Variants in TCF7L1 observed in about 807,000 individuals in gnomAD.
TCF7L1 encodes transcription factor 7 like 1.
A neutral mutation model predicts 63.7 loss-of-function variants in TCF7L1; 18 were observed. That is an observed-to-expected ratio of 0.28 (90% CI 0.20 to 0.42). TCF7L1 has a LOEUF of 0.42. Among genes scored for constraint, TCF7L1 ranks in the 10% least tolerant of loss-of-function variants. The pLI is 1.00. For synonymous variants in TCF7L1, 355 were observed against 340.9 expected, an observed-to-expected ratio of 1.04 and a Z score of -0.46; for missense variants, 654 against 779.3, an observed-to-expected ratio of 0.84 and a Z score of 1.91.
chr2:85,134,006 T>G lies in TCF7L1; in HGVS notation c.250-10T>G, dbSNP rs1401361033. 16 of 1,609,056 alleles carry G rather than the reference T, an allele frequency of 9.9e-6. No individual in the cohort carries two copies. Among genetic ancestry groups the G allele is most frequent in the Non-Finnish European group, 1.2e-5 (14 of 1,178,164 alleles). ...GCTCACCCGCTCTTGCCTTTGTGTC[T>G]CCTCCGCAGGCGGAGAGGCGCCCGC... On this transcript the variant is annotated splice_polypyrimidine_tract_variant and intron_variant, in intron 1 of 11. Coordinates refer to ENST00000282111, the MANE Select transcript of TCF7L1 (RefSeq NM_031283.3). The surrounding 1 kb of genome is among the most constrained non-coding windows in gnomAD (Gnocchi z 5.0).
intron 3 of TCF7L1, among the ~76,000 whole-genome samples, chr2:85,149,068 C>T (rs943926772): frequency 2.0e-5 from 3 of 152,006 alleles, no homozygotes; most frequent in South Asian, 2.1e-4. Flanking sequence ...TGTCAGCCAC[C>T]GCGCCCAGCC....
At chr2:85,172,845 C>T (rs1057314370) in intron 3 of TCF7L1, among the ~76,000 whole-genome samples, 2 of 152,142 alleles carry the variant, frequency 1.3e-5, no homozygotes, top group African/African-American at 2.4e-5. Context: ...ACAATTGCAG[C>T]GTCCGCCCCA....
intron 3 of TCF7L1, among the ~76,000 whole-genome samples, chr2:85,273,891 C>T (rs1435421755): frequency 2.0e-5 from 3 of 152,138 alleles, no homozygotes; most frequent in Admixed American, 6.5e-5. Context: ...GGCCAGAGAA[C>T]AGGCTGCAGG....
In TCF7L1 at chr2:85,254,748, C is replaced by T. The variant is rs1414481542; in HGVS notation, c.442-28747C>T. On this transcript the variant is annotated intron_variant, in intron 3 of 11. Coordinates refer to ENST00000282111, the MANE Select transcript of TCF7L1 (RefSeq NM_031283.3). ...CCAATCTGCACTGAGATCTGCTCCC[C>T]TGCCCCCACCCTGTCTGGCATTAGT... is the stretch of plus-strand genomic sequence containing the variant. 3.3e-5 allele frequency among the ~76,000 whole-genome samples: 5 copies of T among 152,210 alleles called. No individual in the cohort carries two copies. In the East Asian group the frequency reaches 9.6e-4, roughly 29 times the overall value.
At chr2:85,250,501 A>G (rs951936040) in intron 3 of TCF7L1, among the ~76,000 whole-genome samples, 10 of 151,934 alleles carry the variant, frequency 6.6e-5, no homozygotes, top group African/African-American at 2.2e-4. Flanking sequence ...CAGTGGTGCT[A>G]TCTCGGCTCA....
At chr2:85,209,573 C>T (rs1679496925) in intron 3 of TCF7L1, among the ~76,000 whole-genome samples, 2 of 152,186 alleles carry the variant, frequency 1.3e-5, no homozygotes, top group Admixed American at 6.5e-5. Flanking sequence ...GAACTTCAAA[C>T]CTGGAAAATG....
At chr2:85,178,061 C>T (rs1399780195) in intron 3 of TCF7L1, among the ~76,000 whole-genome samples, 1 of 152,028 alleles carries the variant, frequency 6.6e-6, no homozygotes, top group Non-Finnish European at 1.5e-5. Context: ...GCAGGGCCCC[C>T]GAGCCCTGAG....
chr2:85,209,126 G>A (rs537400779), intron 3 of TCF7L1, among the ~76,000 whole-genome samples: 46 of 150,894 alleles, frequency 3.0e-4, no homozygotes, highest in South Asian at 6.4e-4. Context: ...AGCTGTTTCC[G>A]ATTGCCAGGA....
chr2:85,253,864 A>G (rs1680646681), intron 3 of TCF7L1, among the ~76,000 whole-genome samples: 1 of 152,254 alleles, frequency 6.6e-6, no homozygotes, highest in African/African-American at 2.4e-5. Flanking sequence ...ACTTTAGATC[A>G]AGGTAACAAC....
At chr2:85,260,343 G>T (rs1188612624) in intron 3 of TCF7L1, among the ~76,000 whole-genome samples, 1 of 152,132 alleles carries the variant, frequency 6.6e-6, no homozygotes. Context: ...CATTTAAAGA[G>T]ACCTTGTACG....
intron 11 of TCF7L1, among the ~76,000 whole-genome samples, chr2:85,308,611 G>A (rs552125513): frequency 1.6e-3 from 238 of 150,224 alleles, no homozygotes; most frequent in Non-Finnish European, 2.7e-3. Flanking sequence ...TTATACATAG[G>A]AGCGCACATG....
At chr2:85,266,548 T>G (rs1413557670) in intron 3 of TCF7L1, among the ~76,000 whole-genome samples, 2 of 152,210 alleles carry the variant, frequency 1.3e-5, no homozygotes, top group Non-Finnish European at 2.9e-5. Flanking sequence ...GCCCACCAGG[T>G]CACCGGCTCC....
chr2:85,261,930 A>G (rs1680865998), intron 3 of TCF7L1, among the ~76,000 whole-genome samples: 1 of 152,226 alleles, frequency 6.6e-6, no homozygotes, highest in Non-Finnish European at 1.5e-5. Context: ...GCCATCTTGT[A>G]ATAACATAAG....
At chr2:85,147,214 GCCTAGGCCGTGTCCT>G (rs1439156901) in intron 3 of TCF7L1, among the ~76,000 whole-genome samples, 1 of 152,196 alleles carries the variant, frequency 6.6e-6, no homozygotes, top group Non-Finnish European at 1.5e-5. Context: ...CCTGCAGTCT[GCCTAGGCCGTGTCCT>G]CCACCTCAGG....
Position 85,309,205 on chromosome 2 carries a change from T to C in TCF7L1, c.1510T>C (p.Ser504Pro). The C allele has an allele frequency of 6.2e-7, 1 of 1,613,792 alleles. No homozygotes were observed. The highest frequency in any genetic ancestry group is 8.5e-7 in the Non-Finnish European group (1 of 1,179,976). The change falls in exon 12 of 12, where the codon TCC (serine) becomes CCC (proline). Residue 504 changes from serine to proline, a missense_variant. Around this residue, in one of 3 missense-constraint regions of TCF7L1, gnomAD observed 184 missense variants for 204.0 expected, o/e 0.90. Coordinates refer to ENST00000282111, the MANE Select transcript of TCF7L1 (RefSeq NM_031283.3). The part of the protein sequence containing the change: ...ATHSEQAQPL[S>P]LTTKPETRAQ... Reference sequence around the variant, plus strand: ...CCATTCGGAGCAAGCCCAGCCCCTCTCCCTCACCACCAAACCAGAAACCCG... The same window carrying C: ...CCATTCGGAGCAAGCCCAGCCCCTCCCCCTCACCACCAAACCAGAAACCCG...
chr2:85,196,974 A>G (rs965362034), intron 3 of TCF7L1, among the ~76,000 whole-genome samples: 8 of 152,220 alleles, frequency 5.3e-5, no homozygotes, highest in African/African-American at 1.7e-4. Context: ...AACCTGCCGC[A>G]GGCCATCCAA....
intron 3 of TCF7L1, among the ~76,000 whole-genome samples, chr2:85,179,550 A>G (rs1238947329): frequency 6.6e-6 from 1 of 152,142 alleles, no homozygotes; most frequent in Non-Finnish European, 1.5e-5. Flanking sequence ...ATAATCCACT[A>G]CATGTGGTAG....
chr2:85,293,085 A>G (rs1013189665), intron 4 of TCF7L1, among the ~76,000 whole-genome samples: 14 of 152,234 alleles, frequency 9.2e-5, no homozygotes, highest in Admixed American at 2.0e-4. Context: ...CATGTGGCAG[A>G]TACAAAAGAA....
chr2:85,252,888 T>C (rs62165594), intron 3 of TCF7L1, among the ~76,000 whole-genome samples: 51,794 of 152,104 alleles, frequency 0.34, 9,630 homozygotes, highest in Non-Finnish European at 0.43. Flanking sequence ...GGAAACAGAA[T>C]GGCTTTCTGG....
Sources: allele counts gnomAD v4.1 joint callset (sites outside exome capture counted in the v4.1 genomes callset), GRCh38; gene constraint gnomAD v4.1.1; regional missense constraint gnomAD v4.1.1; non-coding constraint Gnocchi (gnomAD v3.1); transcripts MANE v1.5; gene names NCBI Gene and HGNC (gene_info 2026-07-23, HGNC 2026-07-21).